The following SUN1 variants were observed in gnomAD, a reference collection of about 807,000 sequenced individuals.
The protein encoded by SUN1 is Sad1 and UNC84 domain containing 1.
Under a neutral mutation model 103.2 loss-of-function variants are expected in SUN1, and 61 were observed. The observed-to-expected ratio is 0.59, with a 90% CI of 0.48 to 0.73. The LOEUF is 0.73. Ranked by LOEUF, SUN1 falls within the 30% of genes least tolerant of loss-of-function variation. The pLI is 0.00. For synonymous variants in SUN1, 490 were observed against 425.7 expected (o/e 1.15, Z -1.86); for missense variants, 1,052 against 1,034.6 (o/e 1.02, Z -0.23).
chr7:835,394 C>T (rs1287431949), intron 1 of SUN1, among the ~76,000 whole-genome samples: 2 of 152,226 alleles, frequency 1.3e-5, no homozygotes, highest in African/African-American at 2.4e-5. Context: ...TTTAAAATAA[C>T]CCAAATACCA....
At chr7:816,101 C>G (rs375303878), upstream of SUN1, 26 of 264,194 alleles carry the variant, frequency 9.8e-5, no homozygotes, top group Non-Finnish European at 1.4e-4. Context: ...CACACCTTTC[C>G]GAAGATGCAG....
chr7:863,618 C>T (rs922075043), intron 15 of SUN1, among the ~76,000 whole-genome samples: 1 of 152,202 alleles, frequency 6.6e-6, no homozygotes, highest in Non-Finnish European at 1.5e-5. Context: ...ATCTTTCTCA[C>T]CCCAGCTAGA....
chr7:824,080 A>G (rs576127162), intron 1 of SUN1, among the ~76,000 whole-genome samples: 1 of 152,308 alleles, frequency 6.6e-6, no homozygotes, highest in South Asian at 2.1e-4. Flanking sequence ...AAGACCAGAC[A>G]TGGTGTGGCC....
Position 868,139 on chromosome 7 carries a change from C to T in SUN1, c.1981-1210C>T, listed in dbSNP as rs538536331. 3.8e-4 allele frequency among the ~76,000 whole-genome samples: 58 copies of T among 152,362 alleles called. 2 individuals carry two copies. Among genetic ancestry groups the T allele is most frequent in the African/African-American group, 1.3e-3 (56 of 41,578 alleles). On this transcript the variant is annotated intron_variant, in intron 16 of 18. Transcript: ENST00000401592. Reference sequence around the variant, plus strand: ...GGTACGTGCCCATCGTTCACCATCTCTTCTAAACACGAATGAAATGCGTGT... The same window carrying T: ...GGTACGTGCCCATCGTTCACCATCTTTTCTAAACACGAATGAAATGCGTGT...
rs1289088601 is a variant in SUN1 at position 832,610 on chromosome 7, G to C, written c.77+9G>C. 6.2e-7 allele frequency: 1 copy of C among 1,606,012 alleles called. No individual in the cohort carries two copies. The highest frequency in any genetic ancestry group is 8.5e-7 in the Non-Finnish European group (1 of 1,175,550). On this transcript the variant is annotated intron_variant, in intron 1 of 18. Transcript: ENST00000401592. Reference sequence around the variant, plus strand: ...TACACGTATGCGCTCAGGTGAGTGTGCACCTGCACGTGGGGTCCTGGCCTT... The same window carrying C: ...TACACGTATGCGCTCAGGTGAGTGTCCACCTGCACGTGGGGTCCTGGCCTT...
At chr7:848,086 C>T (rs1818150156) in intron 5 of SUN1, among the ~76,000 whole-genome samples, 1 of 151,680 alleles carries the variant, frequency 6.6e-6, no homozygotes, top group East Asian at 1.9e-4. Flanking sequence ...CTGGGATCTC[C>T]TGGGGGTTAC....
At chr7:859,184 T>C (rs975979684) in intron 13 of SUN1, among the ~76,000 whole-genome samples, 2 of 150,638 alleles carry the variant, frequency 1.3e-5, no homozygotes, top group African/African-American at 4.9e-5. Flanking sequence ...AGAAAAAGCA[T>C]GTCACCGTGC....
chr7:848,718 T>C (rs1461371407), intron 5 of SUN1: 4 of 755,516 alleles, frequency 5.3e-6, no homozygotes, highest in Non-Finnish European at 7.5e-6. Context: ...TGCCTCCTCC[T>C]GTGGTCTTGG....
intron 2 of SUN1, among the ~76,000 whole-genome samples, chr7:840,919 G>A (rs1809068974): frequency 6.6e-6 from 1 of 151,954 alleles, no homozygotes; most frequent in Non-Finnish European, 1.5e-5. Context: ...GGGATTACAG[G>A]CATGAGCCAC....
At chr7:855,924 C>T (rs984209136) in intron 11 of SUN1, among the ~76,000 whole-genome samples, 2 of 152,206 alleles carry the variant, frequency 1.3e-5, no homozygotes, top group African/African-American at 2.4e-5. Flanking sequence ...TGCCCTGGGC[C>T]GGGCTGTGGA....
At chr7:850,392 G>T in intron 5 of SUN1, 1 of 218,322 alleles carries the variant, frequency 4.6e-6, no homozygotes. Flanking sequence ...GTAGAGACAG[G>T]GTTTCACTGT....
In SUN1 at chr7:856,231, A is replaced by G. The variant is rs1827155331; in HGVS notation, c.1351-127A>G. The G allele has an allele frequency of 6.6e-6, 6 of 908,458 alleles. No homozygotes were observed. The African/African-American group carries it at 8.4e-5, about 13-fold the overall frequency. 56.3% of individuals were successfully genotyped at this position (908,458 alleles called of 1,614,324 possible). On this transcript the variant is annotated intron_variant, in intron 11 of 18. Transcript: ENST00000401592. ...TGAACACTTCCTACCTGCCACCCAC[A>G]GGCAGATCTGGACTTTGAATTAAAG...
In SUN1 at chr7:835,855, A is replaced by G. The variant is rs568933898; in HGVS notation, c.78-2943A>G. Among the ~76,000 whole-genome samples, 3 of 152,308 alleles carry G rather than the reference A, an allele frequency of 2.0e-5. No individual in the cohort carries two copies. In the East Asian group the frequency reaches 5.8e-4, roughly 29 times the overall value. On this transcript the variant is annotated intron_variant, in intron 1 of 18. Transcript: ENST00000401592. Reference sequence around the variant, plus strand: ...CCAACGTGCTGCTGCCCATGCTCAGATCCAGGGGGGCTGGAGACATGAGGG... The same window carrying G: ...CCAACGTGCTGCTGCCCATGCTCAGGTCCAGGGGGGCTGGAGACATGAGGG...
chr7:870,040 CAAA>C (rs1185142510), intron 17 of SUN1, among the ~76,000 whole-genome samples: 1 of 92,832 alleles, frequency 1.1e-5, no homozygotes, highest in Non-Finnish European at 2.3e-5. Flanking sequence ...CTAAAATATA[CAAA>C]AAAAAAAAAA....
intron 5 of SUN1, chr7:850,666 C>G (rs527600891): frequency 6.7e-6 from 1 of 150,210 alleles, no homozygotes; most frequent in Admixed American, 6.7e-5. Context: ...ACAGTGAGAA[C>G]TGGAACAAAA....
Position 843,224 on chromosome 7 carries a change from A to T in SUN1, c.470A>T (p.Asp157Val). The T allele has an allele frequency of 6.2e-7, 1 of 1,608,420 alleles. No homozygotes were observed. ...TTTTTAGGTCTTGATGATGATGGTG[A>T]TCTTAAAGGTAATTATTTTAGTCCT... is the stretch of plus-strand genomic sequence containing the variant. Reference protein sequence around the residue: ...DHFWGLDDDGDLKGGNKAAIQ... With the variant: ...DHFWGLDDDGVLKGGNKAAIQ... Residue 157 changes from aspartate to valine, a missense_variant, in exon 4 of 19, where the codon GAT (aspartate) becomes GTT (valine). Coordinates refer to ENST00000401592, the MANE Select transcript of SUN1 (RefSeq NM_001130965.3).
intron 2 of SUN1, chr7:841,711 C>G (rs1030687253): frequency 1.4e-5 from 7 of 483,208 alleles, no homozygotes; most frequent in Non-Finnish European, 2.6e-5. Context: ...TCATGGTGCC[C>G]AAAATAACCT....
At chr7:829,923 C>T (rs144523418), upstream of SUN1, among the ~76,000 whole-genome samples, 20 of 152,294 alleles carry the variant, frequency 1.3e-4, no homozygotes, top group African/African-American at 3.9e-4. Flanking sequence ...CCGCAGCTGA[C>T]GCCTGAGTGC....
In SUN1 at chr7:838,998, T is replaced by TG. The variant is rs1325229215; in HGVS notation, c.266+13dup. The TG allele has an allele frequency of 2.6e-6, 4 of 1,538,506 alleles. No homozygotes were observed. Among genetic ancestry groups the TG allele is most frequent in the Admixed American group, 4.2e-5 (2 of 47,448 alleles). On this transcript the variant is annotated intron_variant, in intron 2 of 18. Transcript: ENST00000401592. ...AACCGAGCGGCCAGGTGAGCACCGC[T>TG]GCACTTCCTCTCCATCTGATCTCTA... is the stretch of plus-strand genomic sequence containing the variant.
Sources: gnomAD v4.1 joint callset for allele counts (sites outside exome capture counted in the v4.1 genomes callset) on GRCh38, gnomAD v4.1.1 for gene constraint, MANE v1.5 for transcripts, NCBI Gene and HGNC (gene_info 2026-07-23, HGNC 2026-07-21) for gene names.